The following TAF1A variants were observed in gnomAD, a reference collection of about 807,000 sequenced individuals.
The protein encoded by TAF1A is TATA-box binding protein associated factor, RNA polymerase I subunit A, also known as TATA box-binding protein-associated factor RNA polymerase I subunit A.
Under a neutral mutation model 61.6 loss-of-function variants are expected in TAF1A, and 42 were observed. That is an observed-to-expected ratio of 0.68 (90% CI 0.53 to 0.88). The LOEUF (loss-of-function observed/expected upper bound fraction) is 0.88, where lower values mean the gene tolerates loss of function less well. Ranked by LOEUF, TAF1A falls within the 40% of genes least tolerant of loss-of-function variation. The pLI is 0.00. For synonymous variants in TAF1A, 179 were observed against 177.7 expected (o/e 1.01, Z -0.06); for missense variants, 424 against 518.7 (o/e 0.82, Z 1.77).
rs1659791882 is a variant in TAF1A at position 222,558,559 on chromosome 1, A to T, written c.*101T>A. ...AAATATATAAAAATAAGTTTTTTGT[A>T]GTAATATAAGCTTCTTAATACACTA... On this transcript the variant is annotated 3_prime_UTR_variant, in exon 11 of 11. Transcript: ENST00000352967. 2.2e-6 allele frequency: 1 copy of T among 454,952 alleles called. No homozygotes were observed. Among genetic ancestry groups the T allele is most frequent in the Non-Finnish European group, 3.7e-6 (1 of 268,674 alleles). The allele number at this position is 454,952 out of a possible 1,614,324, so 28.2% of individuals were successfully genotyped here.
At chr1:222,584,074 G>A in intron 3 of TAF1A, 54 bp downstream of exon 3, 1 of 1,572,084 alleles carries the variant, frequency 6.4e-7, no homozygotes, top group East Asian at 2.3e-5. Context: ...GAAGCTGTAG[G>A]CATAAACTTC....
chr1:222,581,410 G>A (rs1164031889), intron 3 of TAF1A, among the ~76,000 whole-genome samples: 3 of 151,936 alleles, frequency 2.0e-5, no homozygotes, highest in African/African-American at 7.2e-5. Flanking sequence ...ATGCAATGGT[G>A]ACTGTGTTAG....
At chr1:222,578,255 G>A (rs1660649659) in intron 4 of TAF1A, among the ~76,000 whole-genome samples, 1 of 152,174 alleles carries the variant, frequency 6.6e-6, no homozygotes, top group Non-Finnish European at 1.5e-5. Context: ...ACATTAAAGA[G>A]GAGAATAATG....
At chr1:222,585,435 A>G (rs1293643391) in intron 2 of TAF1A, among the ~76,000 whole-genome samples, 1 of 151,570 alleles carries the variant, frequency 6.6e-6, no homozygotes, top group Non-Finnish European at 1.5e-5. Flanking sequence ...AAATTGGGGA[A>G]AAGTTTTAGA....
chr1:222,580,901 C>T (rs1660762959), intron 3 of TAF1A, among the ~76,000 whole-genome samples: 1 of 152,036 alleles, frequency 6.6e-6, no homozygotes, highest in Non-Finnish European at 1.5e-5. Context: ...ACCTGTAATC[C>T]CAGGATTTTG....
At chr1:222,579,170 C>A (rs1258071267) in intron 4 of TAF1A, among the ~76,000 whole-genome samples, 1 of 152,128 alleles carries the variant, frequency 6.6e-6, no homozygotes, top group Admixed American at 6.5e-5. Context: ...AGAACAAAAT[C>A]GTAAGAGCAT....
chr1:222,575,887 A>G, intron 5 of TAF1A, among the ~76,000 whole-genome samples: 1 of 152,212 alleles, frequency 6.6e-6, no homozygotes, highest in East Asian at 1.9e-4. Flanking sequence ...TAATCATCAG[A>G]TATTTGCTTG....
rs762076043 is a variant in TAF1A, at chr1:222,584,115, A to C, written c.291+13T>G. Reference sequence around the variant, plus strand: ...ATCTATCATTTCTTCCAGCAAACTCAAATTTTATTTACCTCAGGTGCAGCC... The same window carrying C: ...ATCTATCATTTCTTCCAGCAAACTCCAATTTTATTTACCTCAGGTGCAGCC... On this transcript the variant is annotated intron_variant, in intron 3 of 10. Transcript: ENST00000352967. 1.9e-6 allele frequency: 3 copies of C among 1,604,082 alleles called. No homozygotes were observed. Among genetic ancestry groups the C allele is most frequent in the Non-Finnish European group, 2.5e-6 (3 of 1,177,664 alleles).
At chr1:222,579,965 C>A (rs1286871557) in intron 3 of TAF1A, 93 bp from the exon 4 acceptor site, 1 of 1,422,506 alleles carries the variant, frequency 7.0e-7, no homozygotes, top group Non-Finnish European at 9.4e-7. Context: ...ACATTAATAA[C>A]CTGTGATTCC....
intron 3 of TAF1A, 33 bp downstream of exon 3, chr1:222,584,095 T>A: frequency 6.3e-7 from 1 of 1,597,740 alleles, no homozygotes; most frequent in Non-Finnish European, 8.5e-7. Flanking sequence ...TGGGAATCTA[T>A]CATTTCTTCC....
intron 4 of TAF1A, 56 bp from the exon 5 acceptor site, chr1:222,577,699 A>G: frequency 6.8e-7 from 1 of 1,462,970 alleles, no homozygotes; most frequent in Non-Finnish European, 9.6e-7. Flanking sequence ...CCATTAGTCA[A>G]AAAGCTCAGT....
At chr1:222,579,193 T>C (rs528109141) in intron 4 of TAF1A, among the ~76,000 whole-genome samples, 2 of 152,266 alleles carry the variant, frequency 1.3e-5, no homozygotes, top group East Asian at 1.9e-4. Context: ...GGCACACAAA[T>C]AGACACTCAA....
At chr1:222,565,472 A>AT (rs1201984944) in intron 7 of TAF1A, among the ~76,000 whole-genome samples, 1 of 152,232 alleles carries the variant, frequency 6.6e-6, no homozygotes, top group Non-Finnish European at 1.5e-5. Flanking sequence ...TAAATATGAG[A>AT]TAAGTATTCA....
In TAF1A at chr1:222,588,542, ATTC is replaced by A; in HGVS notation, c.19_21del (p.Glu7del). 6.2e-7 allele frequency: 1 copy of A among 1,614,034 alleles called. No homozygotes were observed. The highest frequency in any genetic ancestry group is 8.5e-7 in the Non-Finnish European group (1 of 1,179,976). On this transcript the variant is annotated inframe_deletion, in exon 2 of 11. Transcript: ENST00000352967. Reference sequence around the variant, plus strand: ...TCATCATCTGTCACAGGCCCTTTTAATTCTTCACTGAAATCACTCATACCTATT... The same window carrying A: ...TCATCATCTGTCACAGGCCCTTTTAATTCACTGAAATCACTCATACCTATT...
At chr1:222,582,576 A>G (rs1186406705) in intron 3 of TAF1A, among the ~76,000 whole-genome samples, 1 of 152,254 alleles carries the variant, frequency 6.6e-6, no homozygotes, top group Non-Finnish European at 1.5e-5. Flanking sequence ...CCATATGACC[A>G]GCAATTCCAC....
At chr1:222,577,804 A>G (rs988858649) in intron 4 of TAF1A, among the ~76,000 whole-genome samples, 161 bp from the exon 5 acceptor site, 1 of 152,212 alleles carries the variant, frequency 6.6e-6, no homozygotes, top group African/African-American at 2.4e-5. Flanking sequence ...CAAAGAAGTA[A>G]GACATAGGAA....
At chr1:222,584,999 T>C (rs997900473) in intron 2 of TAF1A, among the ~76,000 whole-genome samples, 9 of 152,232 alleles carry the variant, frequency 5.9e-5, no homozygotes, top group Non-Finnish European at 2.9e-5. Flanking sequence ...AACAATTAAC[T>C]TGCAGATATT....
At chr1:222,583,858 G>C (rs1660901990) in intron 3 of TAF1A, among the ~76,000 whole-genome samples, 1 of 149,668 alleles carries the variant, frequency 6.7e-6, no homozygotes, top group Non-Finnish European at 1.5e-5. Context: ...AAAAAAGATA[G>C]AATAACAAAA....
Position 222,558,661 on chromosome 1 carries a change from CAG to C in TAF1A, c.1350_1351del (p.Ter451IlefsTer14), listed in dbSNP as rs1491354441. 6 of 1,499,854 alleles carry C rather than the reference CAG, an allele frequency of 4.0e-6. No individual in the cohort carries two copies. Among genetic ancestry groups the C allele is most frequent in the Non-Finnish European group, 5.4e-6 (6 of 1,106,690 alleles). The allele number at this position is 1,499,854 out of a possible 1,614,324, so 92.9% of individuals were successfully genotyped here. A position where few individuals can be genotyped will look rare whatever the true frequency, so the allele number is the denominator to read the frequency against. ...CTGTGAAATAACTAAAATTCAGTAT[CAG>C]AGTCTTGGATTTACAATACTGTATT... On this transcript the variant is annotated frameshift_variant and stop_lost, in exon 11 of 11. Coordinates refer to ENST00000352967, the MANE Select transcript of TAF1A (RefSeq NM_005681.4). LOFTEE classifies it high-confidence loss of function.
Sources: gnomAD v4.1 joint callset for allele counts (sites outside exome capture counted in the v4.1 genomes callset) on GRCh38, gnomAD v4.1.1 for gene constraint, MANE v1.5 for transcripts, NCBI Gene and HGNC (gene_info 2026-07-23, HGNC 2026-07-21) for gene names.